FAM120B: variants seen among roughly 807,000 people sequenced by gnomAD.
FAM120B encodes the protein constitutive coactivator of peroxisome proliferator-activated receptor gamma.
A neutral mutation model predicts 96.3 loss-of-function variants in FAM120B; 83 were observed. The ratio of observed to expected loss-of-function variants is 0.86; its 90% CI spans 0.72 to 1.03. The LOEUF (loss-of-function observed/expected upper bound fraction) is 1.03. Among genes scored for constraint, FAM120B ranks in the 50% least tolerant of loss-of-function variants. The probability of loss-of-function intolerance (pLI) is 0.00; values close to 1 mark genes in which losing one functional copy is unlikely to be tolerated. For synonymous variants in FAM120B, 407 were observed against 402.7 expected (o/e 1.01, Z -0.13); for missense variants, 1,027 against 1,121.2 (o/e 0.92, Z 1.20).
chr6:170,404,578 G>T lies in FAM120B; in HGVS notation c.2721G>T (p.Trp907Cys). The change falls in exon 10 of 11, where the codon TGG (tryptophan) becomes TGT (cysteine). Residue 907 changes from tryptophan to cysteine, a missense_variant. Trp to Cys is a radical substitution (Grantham distance 215). Around this residue, in one of 3 missense-constraint regions of FAM120B, gnomAD observed 142 missense variants for 122.5 expected, o/e 1.16. Coordinates refer to ENST00000476287, the MANE Select transcript of FAM120B (RefSeq NM_032448.3). ...PGSRQYEHDQ[W>C]RRY ...GCAGACAGTATGAGCATGACCAGTG[G>T]AGAAGGTACTAGTCAACCTCCAGGT... is the stretch of plus-strand genomic sequence containing the variant. The T allele has an allele frequency of 6.2e-7, 1 of 1,613,840 alleles. No homozygotes were observed. Among genetic ancestry groups the T allele is most frequent in the Non-Finnish European group, 8.5e-7 (1 of 1,179,768 alleles).
rs534659525 is a variant in FAM120B, at chr6:170,404,805, C to T, written c.*54C>T. ...AAAGAGGCACACCTGGACGCAGAGC[C>T]CTGCCAGCGCCCTCCTCTGCTGTTG... On this transcript the variant is annotated 3_prime_UTR_variant, in exon 11 of 11. Coordinates refer to ENST00000476287, the MANE Select transcript of FAM120B (RefSeq NM_032448.3). The T allele has an allele frequency of 4.0e-4, 225 of 559,164 alleles. 1 individual carries two copies. Among genetic ancestry groups the T allele is most frequent in the African/African-American group, 3.9e-3 (202 of 52,434 alleles). 34.6% of individuals were successfully genotyped at this position (559,164 alleles called of 1,614,324 possible). A position where few individuals can be genotyped will look rare whatever the true frequency, so the allele number is the denominator to read the frequency against.
intron 7 of FAM120B, among the ~76,000 whole-genome samples, chr6:170,389,752 GT>G (rs1790385081): frequency 6.6e-6 from 1 of 152,026 alleles, no homozygotes; most frequent in African/African-American, 2.4e-5. Flanking sequence ...TAGAGGTGAG[GT>G]TTTTCCACGT....
chr6:170,345,193 G>A (rs1340654416), intron 4 of FAM120B, among the ~76,000 whole-genome samples: 2 of 152,164 alleles, frequency 1.3e-5, no homozygotes, highest in African/African-American at 4.8e-5. Context: ...CCCAGAATAA[G>A]TTTTGTTTAT....
At chr6:170,320,840 C>T (rs1164434948) in intron 2 of FAM120B, among the ~76,000 whole-genome samples, 1 of 151,914 alleles carries the variant, frequency 6.6e-6, no homozygotes, top group Non-Finnish European at 1.5e-5. Context: ...GGGATAATCC[C>T]CACAAAAGTC....
chr6:170,307,119 G>A (rs1007001129), intron 1 of FAM120B, among the ~76,000 whole-genome samples: 3 of 152,202 alleles, frequency 2.0e-5, no homozygotes, highest in African/African-American at 7.2e-5. Flanking sequence ...CCTCGCGACC[G>A]TCGCCTTGCC....
At chr6:170,304,696 T>G (rs1784217503), upstream of FAM120B, among the ~76,000 whole-genome samples, 1 of 152,150 alleles carries the variant, frequency 6.6e-6, no homozygotes, top group South Asian at 2.1e-4. Flanking sequence ...AGCATGAACC[T>G]CCTGCGCATG....
upstream of FAM120B, among the ~76,000 whole-genome samples, chr6:170,291,432 G>A (rs914912823): frequency 6.6e-6 from 1 of 151,964 alleles, no homozygotes; most frequent in Non-Finnish European, 1.5e-5. Flanking sequence ...TGGGGAGGGC[G>A]GCTGCGAGCA....
intron 4 of FAM120B, among the ~76,000 whole-genome samples, chr6:170,347,086 A>G (rs1436609945): frequency 1.3e-5 from 2 of 152,334 alleles, no homozygotes; most frequent in African/African-American, 2.4e-5. Context: ...ATGGCGGGAA[A>G]TATACCACTG....
intron 4 of FAM120B, among the ~76,000 whole-genome samples, chr6:170,345,260 A>G (rs886243128): frequency 2.6e-5 from 4 of 152,134 alleles, no homozygotes; most frequent in African/African-American, 9.7e-5. Flanking sequence ...TCTTCCATGA[A>G]AATTTATTAA....
intron 8 of FAM120B, among the ~76,000 whole-genome samples, chr6:170,395,123 A>C (rs1318303469): frequency 6.6e-6 from 1 of 152,172 alleles, no homozygotes; most frequent in South Asian, 2.1e-4. Context: ...GTGCTGCTCC[A>C]TGCCTCAACC....
intron 6 of FAM120B, among the ~76,000 whole-genome samples, chr6:170,366,951 G>A (rs1468955583): frequency 6.6e-6 from 1 of 152,030 alleles, no homozygotes; most frequent in Admixed American, 6.6e-5. Flanking sequence ...TTTGATGAGA[G>A]AAGAATGAGG....
chr6:170,335,843 A>G (rs1786384962), intron 4 of FAM120B, among the ~76,000 whole-genome samples: 1 of 152,328 alleles, frequency 6.6e-6, no homozygotes, highest in South Asian at 2.1e-4. Context: ...TGTTGGCTGC[A>G]TAAATGTCTT....
chr6:170,361,254 ACG>A lies in FAM120B; in HGVS notation c.2283+2937_2283+2938del, dbSNP rs1562567442. ...TATATATACACGTATATATATATAT[ACG>A]TGTATATATATAGTTACATACATAT... is the stretch of plus-strand genomic sequence containing the variant. On this transcript the variant is annotated intron_variant, in intron 6 of 10. Coordinates refer to ENST00000476287, the MANE Select transcript of FAM120B (RefSeq NM_032448.3). 1.9e-3 allele frequency among the ~76,000 whole-genome samples: 264 copies of A among 136,550 alleles called. 10 individuals carry two copies. The highest frequency in any genetic ancestry group is 0.018 in the East Asian group (79 of 4,286). The allele number at this position is 136,550 out of a possible 152,430, so 89.6% of individuals were successfully genotyped here. A position where few individuals can be genotyped will look rare whatever the true frequency, so the allele number is the denominator to read the frequency against.
At chr6:170,312,856 G>A (rs1431035233) in intron 1 of FAM120B, among the ~76,000 whole-genome samples, 1 of 152,216 alleles carries the variant, frequency 6.6e-6, no homozygotes, top group African/African-American at 2.4e-5. Flanking sequence ...GGGGTGAGGG[G>A]ATGGGAAATT....
At chr6:170,301,720 C>T (rs1054124653) in intron 1 of FAM120B, among the ~76,000 whole-genome samples, 1 of 152,228 alleles carries the variant, frequency 6.6e-6, no homozygotes, top group Non-Finnish European at 1.5e-5. Context: ...AAAATGTTGC[C>T]ATTCTCTTTG....
rs529671972 is a variant in FAM120B, at chr6:170,317,150, T to A, written c.-21-220T>A. Among the ~76,000 whole-genome samples the A allele has an allele frequency of 2.0e-5, 3 of 152,368 alleles. No individual in the cohort carries two copies. The South Asian group carries it at 6.2e-4, about 32-fold the overall frequency. ...AAAAGACTGCTATACTCTCTTGTCC[T>A]TGTGAAAGTCCAACTCAAGTAATTA... On this transcript the variant is annotated intron_variant, in intron 1 of 10. Transcript: ENST00000476287.
At chr6:170,378,687 G>T (rs548490598) in intron 6 of FAM120B, among the ~76,000 whole-genome samples, 1 of 152,190 alleles carries the variant, frequency 6.6e-6, no homozygotes, top group Non-Finnish European at 1.5e-5. Context: ...AAGCGGTGGC[G>T]TAGACGGGCC....
intron 1 of FAM120B, among the ~76,000 whole-genome samples, chr6:170,312,385 CAT>C (rs1784643794): frequency 6.6e-6 from 1 of 152,042 alleles, no homozygotes; most frequent in Non-Finnish European, 1.5e-5. Context: ...AGAATTTTGA[CAT>C]ATTGGGCTGA....
chr6:170,317,931 G>C lies in FAM120B; in HGVS notation c.541G>C (p.Asp181His). 6.2e-7 allele frequency: 1 copy of C among 1,614,178 alleles called. No homozygotes were observed. ...NCLGILGEDT[D>H]YLIYDTCPYF... The stretch of plus-strand genomic sequence containing the variant: ...TCTTGGGATTCTGGGGGAAGACACT[G>C]ATTACCTAATCTATGACACTTGTCC... Residue 181 changes from aspartate to histidine, a missense_variant, in exon 2 of 11, where the codon GAT becomes CAT. Asp to His is a moderately conservative substitution (Grantham distance 81). Transcript: ENST00000476287.
Sources: gnomAD v4.1 joint callset for allele counts (sites outside exome capture counted in the v4.1 genomes callset) on GRCh38, gnomAD v4.1.1 for gene constraint, gnomAD v4.1.1 regional missense constraint, MANE v1.5 for transcripts, NCBI Gene and HGNC (gene_info 2026-07-23, HGNC 2026-07-21) for gene names.